The following CCDC73 variants were observed in gnomAD, a reference collection of about 807,000 sequenced individuals.
CCDC73 encodes the protein coiled-coil domain-containing protein 73.
A neutral mutation model predicts 116.5 loss-of-function variants in CCDC73; 95 were observed. The ratio of observed to expected loss-of-function variants is 0.82; its 90% confidence interval spans 0.69 to 0.97. The LOEUF (loss-of-function observed/expected upper bound fraction) is 0.97. CCDC73 is among the 50% of genes least tolerant of loss of function. The pLI is 0.00. For missense variants in CCDC73, 1,066 were observed against 1,206.8 expected (o/e 0.88, Z 1.73); for synonymous variants, 398 against 401.3 (o/e 0.99, Z 0.10).
chr11:32,700,765 G>T, intron 5 of CCDC73, 26 bp downstream of exon 5: 2 of 1,213,556 alleles, frequency 1.6e-6, no homozygotes, highest in Admixed American at 2.6e-5. Context: ...TTAATAGACA[G>T]AAAATTTTAA....
At chr11:32,742,272 C>T (rs1850194930) in intron 2 of CCDC73, among the ~76,000 whole-genome samples, 3 of 152,166 alleles carry the variant, frequency 2.0e-5, no homozygotes, top group South Asian at 2.1e-4. Context: ...TATACTCCCA[C>T]CAACGTGAAA....
chr11:32,823,310 C>T, the CCDC73 span, among the ~76,000 whole-genome samples: 5 of 151,970 alleles, frequency 3.3e-5, no homozygotes, highest in South Asian at 1.0e-3. Flanking sequence ...CCCGTCTCTA[C>T]TAAAAATACA....
chr11:32,603,751 G>C (rs966405489), intron 17 of CCDC73: 2 of 152,134 alleles, frequency 1.3e-5, no homozygotes, highest in Non-Finnish European at 2.9e-5. Flanking sequence ...TGATGTTTTT[G>C]AGAGATTCCC....
chr11:32,761,043 C>T (rs188775730), intron 1 of CCDC73, among the ~76,000 whole-genome samples: 9 of 151,970 alleles, frequency 5.9e-5, no homozygotes, highest in Admixed American at 5.9e-4. Context: ...ATAACTATGA[C>T]CTCAATTTAA....
At chr11:32,758,369 T>C (rs1850361477) in intron 2 of CCDC73, 2 of 508,130 alleles carry the variant, frequency 3.9e-6, no homozygotes. Flanking sequence ...TTTACCTTTA[T>C]ACCAAGAAGG....
At chr11:32,676,113 T>C in intron 7 of CCDC73, 92 bp from the exon 8 acceptor site, 2 of 1,007,444 alleles carry the variant, frequency 2.0e-6, no homozygotes, top group Non-Finnish European at 2.7e-6. Context: ...GGTAAACCAC[T>C]GTTGTTAGTA....
At chr11:32,685,717 GCT>G (rs1491345508) in intron 6 of CCDC73, among the ~76,000 whole-genome samples, 6 of 120,440 alleles carry the variant, frequency 5.0e-5, no homozygotes, top group Admixed American at 1.0e-4. Flanking sequence ...GCCTGACTTA[GCT>G]TTTTTTTTTT....
At chr11:32,742,655 T>C (rs551207646) in intron 2 of CCDC73, among the ~76,000 whole-genome samples, 1 of 152,344 alleles carries the variant, frequency 6.6e-6, no homozygotes, top group Admixed American at 6.5e-5. Context: ...AGTTCTTTAG[T>C]TTAATTAGAT....
intron 17 of CCDC73, among the ~76,000 whole-genome samples, chr11:32,607,053 G>C (rs1468772479): frequency 1.4e-5 from 2 of 140,018 alleles, no homozygotes; most frequent in African/African-American, 2.7e-5. Context: ...TTACAGGCTT[G>C]AGCCCACCAC....
At chr11:32,799,241 G>C (rs1850751669), upstream of CCDC73, among the ~76,000 whole-genome samples, 1 of 151,878 alleles carries the variant, frequency 6.6e-6, no homozygotes, top group Admixed American at 6.6e-5. Flanking sequence ...ACAGGCCTGC[G>C]CCACCACGCT....
chr11:32,654,404 C>G (rs1251493890), intron 10 of CCDC73, among the ~76,000 whole-genome samples: 5 of 152,136 alleles, frequency 3.3e-5, no homozygotes, highest in Non-Finnish European at 7.4e-5. Context: ...GAACTCCTAA[C>G]CTCAAGTGAT....
chr11:32,611,353 T>C, intron 16 of CCDC73, 88 bp from the exon 17 acceptor site: 2 of 1,179,478 alleles, frequency 1.7e-6, no homozygotes, highest in South Asian at 1.6e-5. Context: ...CCTATGCTTT[T>C]GTATTTAAAA....
chr11:32,815,465 G>T, the CCDC73 span, among the ~76,000 whole-genome samples: 1 of 149,848 alleles, frequency 6.7e-6, no homozygotes, highest in Admixed American at 6.6e-5. Flanking sequence ...CTCCCAAAGC[G>T]CTGGGATTTA....
intron 3 of CCDC73, among the ~76,000 whole-genome samples, chr11:32,704,492 A>G (rs887724603): frequency 1.3e-5 from 2 of 152,208 alleles, no homozygotes; most frequent in Non-Finnish European, 2.9e-5. Context: ...CAATGAGCAC[A>G]GGAGGGAGGC....
chr11:32,699,872 A>AT (rs199539542), intron 5 of CCDC73, among the ~76,000 whole-genome samples: 3,596 of 40,600 alleles, frequency 0.089, 143 homozygotes, highest in African/African-American at 0.23. Flanking sequence ...TAGAACTTAG[A>AT]TTAAAAAATA....
At chr11:32,815,021 C>G in the CCDC73 span, among the ~76,000 whole-genome samples, 1 of 152,132 alleles carries the variant, frequency 6.6e-6, no homozygotes, top group Admixed American at 6.5e-5. Flanking sequence ...TTAATAGGGA[C>G]TTCTGGAGAG....
At chr11:32,830,106 G>T in the CCDC73 span, 1 of 992,390 alleles carries the variant, frequency 1.0e-6, no homozygotes, top group Non-Finnish European at 1.2e-6. Flanking sequence ...GGGCCTGGCG[G>T]CCGAAGGAAC....
chr11:32,753,972 T>C (rs546384207), intron 2 of CCDC73, among the ~76,000 whole-genome samples: 3 of 152,330 alleles, frequency 2.0e-5, no homozygotes, highest in Admixed American at 1.3e-4. Flanking sequence ...TTACTGACTA[T>C]TGTTCTTTTC....
chr11:32,658,332 T>C (rs1179750085), intron 9 of CCDC73, among the ~76,000 whole-genome samples: 2 of 152,130 alleles, frequency 1.3e-5, no homozygotes, highest in Non-Finnish European at 2.9e-5. Context: ...TACAAGTACA[T>C]TGAGAGAAAG....
Sources: allele counts gnomAD v4.1 joint callset (sites outside exome capture counted in the v4.1 genomes callset), GRCh38; gene constraint gnomAD v4.1.1; transcripts MANE v1.5; gene names NCBI Gene and HGNC (gene_info 2026-07-23, HGNC 2026-07-21).